The following FOXP2 variants were observed in gnomAD, a reference collection of about 807,000 sequenced individuals.
FOXP2 encodes the protein forkhead box protein P2.
Under a neutral mutation model 115.8 loss-of-function variants are expected in FOXP2, and 12 were observed. That is an observed-to-expected ratio of 0.10 (90% CI 0.07 to 0.17). The LOEUF (loss-of-function observed/expected upper bound fraction) is 0.17, where lower values mean the gene tolerates loss of function less well. FOXP2 is among the 10% of genes least tolerant of loss of function. The probability of loss-of-function intolerance (pLI) is 1.00; values close to 1 mark genes in which losing one functional copy is unlikely to be tolerated. For synonymous variants in FOXP2, 328 were observed against 297.7 expected (o/e 1.10, Z -1.05); for missense variants, 629 against 843.5 (o/e 0.75, Z 3.15).
At chr7:114,500,709 C>A (rs1797531801) in intron 2 of FOXP2, among the ~76,000 whole-genome samples, 1 of 152,084 alleles carries the variant, frequency 6.6e-6, no homozygotes, top group Non-Finnish European at 1.5e-5. Context: ...AGAATCAGGG[C>A]TGGAACATAA....
At chr7:114,206,385 T>C (rs1794202736) in intron 1 of FOXP2, among the ~76,000 whole-genome samples, 1 of 152,152 alleles carries the variant, frequency 6.6e-6, no homozygotes, top group African/African-American at 2.4e-5. Flanking sequence ...CCTGTCAGTT[T>C]CTCAAACATG....
At chr7:114,589,176 T>C (rs550748810) in intron 3 of FOXP2, among the ~76,000 whole-genome samples, 18 of 152,318 alleles carry the variant, frequency 1.2e-4, no homozygotes, top group African/African-American at 4.1e-4. Context: ...TTCCCCGGAT[T>C]GTCTGCTTCA....
chr7:114,224,530 T>C (rs943875234), intron 1 of FOXP2, among the ~76,000 whole-genome samples: 2 of 152,242 alleles, frequency 1.3e-5, no homozygotes, highest in African/African-American at 4.8e-5. Flanking sequence ...ATTACCTCCA[T>C]CAACATTTAT....
At chr7:114,576,831 A>G (rs1160825152) in intron 3 of FOXP2, among the ~76,000 whole-genome samples, 1 of 151,940 alleles carries the variant, frequency 6.6e-6, no homozygotes, top group Admixed American at 6.6e-5. Flanking sequence ...TGTATTTACT[A>G]TTTGTATTTC....
chr7:114,121,486 A>G (rs936728359), intron 1 of FOXP2, among the ~76,000 whole-genome samples: 1 of 152,168 alleles, frequency 6.6e-6, no homozygotes, highest in Non-Finnish European at 1.5e-5. Context: ...TAGGAAATCT[A>G]ATTGAAGATA....
intron 3 of FOXP2, among the ~76,000 whole-genome samples, chr7:114,586,520 TA>T (rs1180866794): frequency 6.6e-6 from 1 of 152,120 alleles, no homozygotes; most frequent in Admixed American, 6.6e-5. Context: ...AATATGCAAA[TA>T]GATTTTAACA....
At chr7:114,349,488 T>C (rs561562089) in intron 2 of FOXP2, among the ~76,000 whole-genome samples, 1 of 152,258 alleles carries the variant, frequency 6.6e-6, no homozygotes, top group Admixed American at 6.5e-5. Flanking sequence ...TCCCATTAGA[T>C]GAAAGAGTAG....
At chr7:114,567,626 A>G (rs541660761) in intron 3 of FOXP2, among the ~76,000 whole-genome samples, 2 of 152,232 alleles carry the variant, frequency 1.3e-5, no homozygotes, top group African/African-American at 4.8e-5. Flanking sequence ...AAACACTTAA[A>G]ATATCCATTC....
intron 2 of FOXP2, among the ~76,000 whole-genome samples, chr7:114,381,420 A>G (rs1792290323): frequency 6.6e-6 from 1 of 152,184 alleles, no homozygotes; most frequent in South Asian, 2.1e-4. Flanking sequence ...GTGTCCAGGT[A>G]TGAGAATTGA....
At chr7:114,182,847 A>G (rs1029715821) in intron 1 of FOXP2, among the ~76,000 whole-genome samples, 1 of 152,156 alleles carries the variant, frequency 6.6e-6, no homozygotes, top group South Asian at 2.1e-4. Flanking sequence ...ATATTTATAC[A>G]TAATGTACAT....
At chr7:114,382,954 G>A (rs957205358) in intron 2 of FOXP2, among the ~76,000 whole-genome samples, 1 of 152,112 alleles carries the variant, frequency 6.6e-6, no homozygotes, top group Non-Finnish European at 1.5e-5. Context: ...AAATGTCTGC[G>A]GCACCAATCT....
intron 1 of FOXP2, among the ~76,000 whole-genome samples, chr7:114,186,456 G>A (rs781015054): frequency 2.0e-5 from 3 of 152,162 alleles, no homozygotes; most frequent in African/African-American, 4.8e-5. Flanking sequence ...AAATGTTAAA[G>A]CTCCAGAATA....
chr7:114,515,649 T>G (rs1798301662), intron 2 of FOXP2, among the ~76,000 whole-genome samples: 1 of 151,950 alleles, frequency 6.6e-6, no homozygotes, highest in South Asian at 2.1e-4. Flanking sequence ...TTGCGAAAAT[T>G]TTCTCCCATT....
At chr7:114,249,035 C>A (rs1584576613) in intron 1 of FOXP2, among the ~76,000 whole-genome samples, 1 of 151,884 alleles carries the variant, frequency 6.6e-6, no homozygotes, top group East Asian at 1.9e-4. Context: ...TAGTAATGAA[C>A]AAGAAAAAGT....
At chr7:114,457,380 T>C (rs923223103) in intron 2 of FOXP2, among the ~76,000 whole-genome samples, 1 of 152,172 alleles carries the variant, frequency 6.6e-6, no homozygotes, top group Non-Finnish European at 1.5e-5. Flanking sequence ...AGTTCTCTAC[T>C]TTTTATCCCC....
intron 2 of FOXP2, among the ~76,000 whole-genome samples, chr7:114,377,148 TA>T (rs1792161036): frequency 6.6e-6 from 1 of 152,220 alleles, no homozygotes; most frequent in Admixed American, 6.5e-5. Context: ...GGTTAATGTT[TA>T]AAAGAGTGAT....
rs1795608148 is a variant in FOXP2 at position 114,256,213 on chromosome 7, C to G, written c.-101-31806C>G. ...TGCCTCCCAGGTTCAAGTGATTCTC[C>G]TGCCTCAGCCTCCCGAGTAGCTGGG... is the stretch of plus-strand genomic sequence containing the variant. On this transcript the variant is annotated intron_variant, in intron 1 of 17. Coordinates refer to the FOXP2 transcript ENST00000634411. Among the ~76,000 whole-genome samples, 3 of 152,110 alleles carry G rather than the reference C, an allele frequency of 2.0e-5. 1 individual carries two copies. In the South Asian group the frequency reaches 6.2e-4, roughly 31 times the overall value.
intron 1 of FOXP2, among the ~76,000 whole-genome samples, chr7:114,182,792 C>T (rs2129155383): frequency 6.6e-6 from 1 of 151,990 alleles, no homozygotes; most frequent in Non-Finnish European, 1.5e-5. Flanking sequence ...TATTATACTA[C>T]TAAAACAAGT....
At chr7:114,335,495 T>C (rs1252708788) in intron 2 of FOXP2, among the ~76,000 whole-genome samples, 8 of 151,936 alleles carry the variant, frequency 5.3e-5, no homozygotes, top group Admixed American at 4.6e-4. Flanking sequence ...TTTAAAATAG[T>C]ATATTTTATG....
Sources: allele counts gnomAD v4.1 joint callset (sites outside exome capture counted in the v4.1 genomes callset), GRCh38; gene constraint gnomAD v4.1.1; transcripts MANE v1.5; gene names NCBI Gene and HGNC (gene_info 2026-07-23, HGNC 2026-07-21).